Variants in TENM3 observed in about 807,000 individuals in gnomAD.
TENM3 encodes the protein teneurin transmembrane protein 3.
A neutral mutation model predicts 255.1 loss-of-function variants in TENM3; 63 were observed. The observed-to-expected ratio is 0.25, with a 90% CI of 0.20 to 0.30. The LOEUF (loss-of-function observed/expected upper bound fraction) is 0.30. TENM3 is among the 10% of genes least tolerant of loss of function. The pLI, the probability that TENM3 is intolerant of heterozygous loss-of-function variation, is 1.00. For missense variants in TENM3, 2,929 were observed against 3,461.1 expected (o/e 0.85, Z 3.86); for synonymous variants, 1,306 against 1,322.3 (o/e 0.99, Z 0.27).
At chr4:182,741,962 G>T (rs116703381) in intron 18 of TENM3, among the ~76,000 whole-genome samples, 1 of 152,154 alleles carries the variant, frequency 6.6e-6, no homozygotes, top group African/African-American at 2.4e-5. Flanking sequence ...TTGTACTTTC[G>T]TGGGATTATT....
At chr4:182,615,570 T>C (rs970541347) in intron 4 of TENM3, among the ~76,000 whole-genome samples, 6 of 151,946 alleles carry the variant, frequency 3.9e-5, no homozygotes, top group Admixed American at 2.6e-4. Context: ...CAAAAGGAAA[T>C]AGATGCTGGT....
chr4:181,626,781 C>G, the TENM3 span, among the ~76,000 whole-genome samples: 1 of 152,116 alleles, frequency 6.6e-6, no homozygotes, highest in Non-Finnish European at 1.5e-5. Flanking sequence ...TATCAGGGGC[C>G]ATTCAAACGG....
At chr4:182,483,784 A>T (rs1734431960) in intron 3 of TENM3, among the ~76,000 whole-genome samples, 1 of 152,122 alleles carries the variant, frequency 6.6e-6, no homozygotes. Flanking sequence ...AGAGACTTAG[A>T]ATCATGGTAG....
At chr4:181,907,940 G>A in the TENM3 span, among the ~76,000 whole-genome samples, 1 of 152,180 alleles carries the variant, frequency 6.6e-6, no homozygotes, top group African/African-American at 2.4e-5. Flanking sequence ...CATCATATAT[G>A]AAGTTTATAT....
At chr4:182,677,268 C>T (rs1755743785) in intron 7 of TENM3, among the ~76,000 whole-genome samples, 1 of 152,142 alleles carries the variant, frequency 6.6e-6, no homozygotes, top group African/African-American at 2.4e-5. Context: ...CTCCTCCTCC[C>T]CACCATCATG....
chr4:181,466,821 C>T, the TENM3 span, among the ~76,000 whole-genome samples: 580 of 151,890 alleles, frequency 3.8e-3, 4 homozygotes, highest in African/African-American at 0.013. Flanking sequence ...AAATAGTCCC[C>T]TCATATTTAC....
the TENM3 span, among the ~76,000 whole-genome samples, chr4:181,504,760 T>A: frequency 6.6e-6 from 1 of 152,218 alleles, no homozygotes; most frequent in African/African-American, 2.4e-5. Context: ...TGAGGTTGGG[T>A]ACAGCTTGTG....
intron 2 of TENM3, among the ~76,000 whole-genome samples, chr4:182,341,351 A>G (rs1256547755): frequency 1.3e-5 from 2 of 152,240 alleles, no homozygotes; most frequent in Non-Finnish European, 1.5e-5. Flanking sequence ...GACCCATTAT[A>G]ACAGTTATAT....
chr4:182,374,345 G>GCTAT (rs1290013662), intron 3 of TENM3, among the ~76,000 whole-genome samples: 1 of 152,018 alleles, frequency 6.6e-6, no homozygotes, highest in African/African-American at 2.4e-5. Context: ...TTAAAATAAT[G>GCTAT]CTATCTAAAG....
the TENM3 span, among the ~76,000 whole-genome samples, chr4:181,518,345 G>C: frequency 2.4e-4 from 36 of 151,728 alleles, no homozygotes; most frequent in African/African-American, 8.7e-4. Context: ...TTTAGAATTT[G>C]ACAAGATGGT....
At chr4:182,473,057 G>A (rs368888299) in intron 3 of TENM3, among the ~76,000 whole-genome samples, 7 of 152,128 alleles carry the variant, frequency 4.6e-5, no homozygotes, top group East Asian at 3.9e-4. Flanking sequence ...AATAATTTAC[G>A]AAACTCCTCA....
intron 1 of TENM3, among the ~76,000 whole-genome samples, chr4:182,202,072 G>A (rs1301691088): frequency 6.6e-6 from 1 of 152,122 alleles, no homozygotes; most frequent in Non-Finnish European, 1.5e-5. Context: ...ATTCAACAAA[G>A]GAAACAAGCG....
intron 3 of TENM3, among the ~76,000 whole-genome samples, chr4:182,555,333 A>T (rs925513706): frequency 6.6e-6 from 1 of 152,188 alleles, no homozygotes; most frequent in Non-Finnish European, 1.5e-5. Flanking sequence ...TCCTCCATGA[A>T]CTGTAATACT....
At chr4:182,387,963 C>T (rs980990207) in intron 3 of TENM3, among the ~76,000 whole-genome samples, 11 of 148,012 alleles carry the variant, frequency 7.4e-5, no homozygotes, top group South Asian at 2.1e-4. Context: ...AACCAACAAA[C>T]GAAACCAGCC....
In TENM3 at chr4:182,266,612, AT is replaced by A. The variant is rs1451200286; in HGVS notation, c.-76+23138del. ...ATATATCTATAAGGTTTTATTAAAA[AT>A]TGGGTTTAACATGAATAGTACATTA... On this transcript the variant is annotated intron_variant, in intron 1 of 27. Transcript: ENST00000511685. 4.6e-5 allele frequency among the ~76,000 whole-genome samples: 7 copies of A among 152,272 alleles called. No individual in the cohort carries two copies. The East Asian group carries it at 1.4e-3, about 29-fold the overall frequency.
the TENM3 span, among the ~76,000 whole-genome samples, chr4:181,547,032 C>T: frequency 6.6e-6 from 1 of 152,114 alleles, no homozygotes; most frequent in Non-Finnish European, 1.5e-5. Context: ...CACAAATGAT[C>T]CTACCCCCAT....
chr4:182,486,555 CA>C (rs1734743603), intron 3 of TENM3, among the ~76,000 whole-genome samples: 1 of 151,942 alleles, frequency 6.6e-6, no homozygotes, highest in African/African-American at 2.4e-5. Context: ...CAGTTACTTG[CA>C]AAAAGAATTA....
intron 3 of TENM3, among the ~76,000 whole-genome samples, chr4:182,520,987 A>G (rs908051681): frequency 2.6e-5 from 4 of 152,162 alleles, no homozygotes; most frequent in Non-Finnish European, 5.9e-5. Context: ...TGTCAGACTG[A>G]TGTGCTCCTT....
chr4:181,914,750 G>A, the TENM3 span, among the ~76,000 whole-genome samples: 2 of 152,244 alleles, frequency 1.3e-5, no homozygotes, highest in African/African-American at 4.8e-5. Context: ...GAAGAAGACA[G>A]GATGAATGAT....
Sources: gnomAD v4.1 joint callset for allele counts (sites outside exome capture counted in the v4.1 genomes callset) on GRCh38, gnomAD v4.1.1 for gene constraint, MANE v1.5 for transcripts, NCBI Gene and HGNC (gene_info 2026-07-23, HGNC 2026-07-21) for gene names.